WWOX: variants seen among roughly 807,000 people sequenced by gnomAD.
WWOX encodes WW domain-containing oxidoreductase.
WWOX carries 69 observed loss-of-function variants against 46.2 expected under a neutral mutation model. That is an observed-to-expected ratio of 1.49 (90% CI 1.23 to 1.82). The LOEUF (loss-of-function observed/expected upper bound fraction) is 1.82. Among genes scored for constraint, WWOX ranks in the 40% most tolerant of loss-of-function variants. The probability of loss-of-function intolerance (pLI) is 0.00; values close to 1 mark genes in which losing one functional copy is unlikely to be tolerated. For missense variants in WWOX, 919 were observed against 542.6 expected (o/e 1.69, Z -6.89); for synonymous variants, 359 against 202.6 (o/e 1.77, Z -6.56).
intron 8 of WWOX, among the ~76,000 whole-genome samples, chr16:78,857,276 T>C (rs1382393033): frequency 3.9e-5 from 6 of 152,226 alleles, no homozygotes; most frequent in African/African-American, 7.2e-5. Flanking sequence ...CTCAACTTTA[T>C]TTTTAATCAT....
At chr16:78,781,673 C>T (rs1480892657) in intron 8 of WWOX, among the ~76,000 whole-genome samples, 1 of 152,018 alleles carries the variant, frequency 6.6e-6, no homozygotes, top group Non-Finnish European at 1.5e-5. Flanking sequence ...TCTAATCCTA[C>T]CTGAAGCAAG....
chr16:78,663,253 C>T (rs1026099253), intron 8 of WWOX, among the ~76,000 whole-genome samples: 8 of 152,258 alleles, frequency 5.3e-5, no homozygotes, highest in Middle Eastern at 6.8e-3. Flanking sequence ...TCATACAATA[C>T]GTGGCCAACT....
At chr16:78,695,887 T>A (rs2048088133) in intron 8 of WWOX, among the ~76,000 whole-genome samples, 1 of 152,200 alleles carries the variant, frequency 6.6e-6, no homozygotes, top group African/African-American at 2.4e-5. Context: ...TGCACTGAAT[T>A]AGACCAGGGG....
intron 8 of WWOX, among the ~76,000 whole-genome samples, chr16:79,009,768 G>A (rs1031706459): frequency 6.6e-6 from 1 of 152,110 alleles, no homozygotes; most frequent in African/African-American, 2.4e-5. Flanking sequence ...AATTTTCAAA[G>A]GAAGAAATGG....
At chr16:78,851,110 A>C (rs1367853951) in intron 8 of WWOX, among the ~76,000 whole-genome samples, 1 of 152,142 alleles carries the variant, frequency 6.6e-6, no homozygotes, top group Non-Finnish European at 1.5e-5. Flanking sequence ...TGCCTGTGGT[A>C]TTTACCTTGA....
intron 8 of WWOX, among the ~76,000 whole-genome samples, chr16:79,145,483 T>G (rs1249587649): frequency 6.6e-6 from 1 of 152,180 alleles, no homozygotes; most frequent in Non-Finnish European, 1.5e-5. Context: ...ATTACAGTTA[T>G]GAGCCACCGC....
At chr16:78,256,907 C>G (rs2038147164) in intron 5 of WWOX, among the ~76,000 whole-genome samples, 2 of 151,922 alleles carry the variant, frequency 1.3e-5, no homozygotes, top group African/African-American at 4.8e-5. Context: ...ACTGAACAAC[C>G]ATACAGGGAA....
At chr16:78,374,568 A>C (rs1231502443) in intron 5 of WWOX, among the ~76,000 whole-genome samples, 1 of 81,356 alleles carries the variant, frequency 1.2e-5, no homozygotes, top group Non-Finnish European at 2.2e-5. Flanking sequence ...TTTTTTTTTA[A>C]GGCAGAGTTT....
intron 5 of WWOX, among the ~76,000 whole-genome samples, chr16:78,297,591 C>G (rs1485797672): frequency 1.3e-5 from 2 of 152,134 alleles, no homozygotes; most frequent in African/African-American, 2.4e-5. Context: ...GTTTATTGAA[C>G]AAATGCCATT....
Position 78,285,775 on chromosome 16 carries a change from A to G in WWOX, c.517-101085A>G, listed in dbSNP as rs148987130. ...AGGACAAAGTAGGTTGCTTACTTCA[A>G]GAGCCCTTCCCTTTCTCTTCTTTGT... On this transcript the variant is annotated intron_variant, in intron 5 of 8. Transcript: ENST00000566780. Among the ~76,000 whole-genome samples the G allele has an allele frequency of 2.0e-5, 3 of 152,296 alleles. No homozygotes were observed. In the East Asian group the frequency reaches 5.8e-4, roughly 29 times the overall value.
chr16:78,757,432 C>G (rs548919066), intron 8 of WWOX, among the ~76,000 whole-genome samples: 2 of 152,206 alleles, frequency 1.3e-5, no homozygotes, highest in East Asian at 3.9e-4. Flanking sequence ...GTACCTCTTG[C>G]CTCATCAGTT....
chr16:78,333,043 C>CTTTTTTT lies in WWOX; in HGVS notation c.517-53799_517-53793dup, dbSNP rs11289222. Among the ~76,000 whole-genome samples the CTTTTTTT allele has an allele frequency of 2.5e-4, 14 of 57,124 alleles. 2 individuals are homozygous for CTTTTTTT. The highest frequency in any genetic ancestry group is 4.6e-4 in the Admixed American group (2 of 4,366). The allele number at this position is 57,124 out of a possible 152,430, so 37.5% of individuals were successfully genotyped here. ...CTGAGTAGCATGGAAGAGCATTATA[C>CTTTTTTT]TTTTTTTTTTTTTTTTTTTTTTTTG... On this transcript the variant is annotated intron_variant, in intron 5 of 8. Coordinates refer to ENST00000566780, the MANE Select transcript of WWOX (RefSeq NM_016373.4).
intron 5 of WWOX, among the ~76,000 whole-genome samples, chr16:78,175,283 C>T (rs548998348): frequency 1.3e-5 from 2 of 152,186 alleles, no homozygotes; most frequent in African/African-American, 4.8e-5. Context: ...CAGCTATGCC[C>T]AAGGTTCTGA....
intron 5 of WWOX, among the ~76,000 whole-genome samples, chr16:78,366,792 G>C (rs1336761455): frequency 2.0e-5 from 3 of 152,104 alleles, no homozygotes; most frequent in African/African-American, 4.8e-5. Context: ...GGAAAGAAAA[G>C]TATGTTAAGA....
chr16:78,544,234 G>A (rs2043967728), intron 8 of WWOX, among the ~76,000 whole-genome samples: 2 of 152,144 alleles, frequency 1.3e-5, no homozygotes, highest in Admixed American at 1.3e-4. Flanking sequence ...TATTCTCTCT[G>A]ACTATAATTG....
intron 8 of WWOX, among the ~76,000 whole-genome samples, chr16:78,982,628 G>A (rs2046705338): frequency 6.6e-6 from 1 of 152,200 alleles, no homozygotes; most frequent in Non-Finnish European, 1.5e-5. Context: ...AGCAGGCAGA[G>A]AAGGAGGGAA....
At chr16:79,050,568 G>T (rs1305982662) in intron 8 of WWOX, among the ~76,000 whole-genome samples, 1 of 152,186 alleles carries the variant, frequency 6.6e-6, no homozygotes, top group Non-Finnish European at 1.5e-5. Flanking sequence ...AAAGCCCGGG[G>T]CATGGATCCA....
intron 8 of WWOX, among the ~76,000 whole-genome samples, chr16:79,008,768 G>C (rs893039196): frequency 2.8e-4 from 43 of 152,302 alleles, no homozygotes; most frequent in Middle Eastern, 3.4e-3. Context: ...AACAAAGGGA[G>C]ATCACAGCAC....
chr16:78,727,218 G>A (rs1301945757), intron 8 of WWOX, among the ~76,000 whole-genome samples: 3 of 152,162 alleles, frequency 2.0e-5, no homozygotes, highest in South Asian at 2.1e-4. Context: ...GGCCAACATG[G>A]TGAAACCCTG....
Sources: gnomAD v4.1 joint callset for allele counts (sites outside exome capture counted in the v4.1 genomes callset) on GRCh38, gnomAD v4.1.1 for gene constraint, MANE v1.5 for transcripts, NCBI Gene and HGNC (gene_info 2026-07-23, HGNC 2026-07-21) for gene names.